The following MMP21 variants were observed in gnomAD, a reference collection of about 807,000 sequenced individuals.
MMP21 encodes the protein matrix metallopeptidase 21, also known as matrix metalloproteinase-21.
MMP21 carries 40 observed loss-of-function variants against 47.8 expected under a neutral mutation model. The ratio of observed to expected loss-of-function variants is 0.84; its 90% CI spans 0.65 to 1.09. The LOEUF (loss-of-function observed/expected upper bound fraction) is 1.09, where lower values mean the gene tolerates loss of function less well. MMP21 is among the 50% of genes least tolerant of loss of function. The pLI is 0.00. For synonymous variants in MMP21, 341 were observed against 318.0 expected (o/e 1.07, Z -0.77); for missense variants, 747 against 775.3 (o/e 0.96, Z 0.43).
Position 125,766,639 on chromosome 10 carries a change from C to T in MMP21, c.*23G>A, listed in dbSNP as rs773729781. ...CAGAATTTTAGCGAAGTCCTATGAC[C>T]CTCCATTTCCTACTTTTTCTTATTA... On this transcript the variant is annotated 3_prime_UTR_variant, in exon 7 of 7. Coordinates refer to ENST00000368808, the MANE Select transcript of MMP21 (RefSeq NM_147191.1). 3.2e-6 allele frequency: 5 copies of T among 1,556,646 alleles called. No homozygotes were observed. The African/African-American group carries it at 5.5e-5, about 17-fold the overall frequency.
Position 125,772,866 on chromosome 10 carries a change from A to G in MMP21, c.698-116T>C, listed in dbSNP as rs1589893900. On this transcript the variant is annotated intron_variant, in intron 2 of 6. Coordinates refer to ENST00000368808, the MANE Select transcript of MMP21 (RefSeq NM_147191.1). This position sits in a 1 kb window ranked among gnomAD's most constrained non-coding sequence, Gnocchi z 5.6. ...CGGCAGCAGAGGTAGACAGAGTGGC[A>G]GCTCCTGGATTAAGTCCTCAATGTG... 6 of 1,177,588 alleles carry G rather than the reference A, an allele frequency of 5.1e-6. No individual in the cohort carries two copies. The highest frequency in any genetic ancestry group is 6.0e-6 in the Non-Finnish European group (5 of 835,972). The allele number at this position is 1,177,588 out of a possible 1,614,324, so 72.9% of individuals were successfully genotyped here.
chr10:125,770,569 A>G lies in MMP21; in HGVS notation c.1002T>C (p.Asp334=). 6.2e-7 allele frequency: 1 copy of G among 1,614,192 alleles called. No individual in the cohort carries two copies. Among genetic ancestry groups the G allele is most frequent in the Non-Finnish European group, 8.5e-7 (1 of 1,179,998 alleles). ...KLYGSCEGSF[D]TAFDWIRKER... is the part of the protein sequence containing the mutation. ...CTTTGCGAATCCAGTCAAACGCAGT[A>G]TCAAATGATCCCTCACAGGAGCCTT... Residue 334 remains aspartate, a synonymous_variant, in exon 5 of 7, where the codon GAT becomes GAC. Transcript: ENST00000368808.
rs918329511 is a variant in MMP21 at position 125,767,765 on chromosome 10, G to A, written c.1238-61C>T. The A allele has an allele frequency of 2.2e-5, 34 of 1,560,234 alleles. No homozygotes were observed. In the South Asian group the frequency reaches 2.3e-4, roughly 10 times the overall value. ...TACTATTAAATCACGTGACAAAAAG[G>A]ACAGTTTTCAATCTAGGTCTCAGCC... On this transcript the variant is annotated intron_variant, in intron 5 of 6. Transcript: ENST00000368808.
At position 125,766,864 on chromosome 10, in the gene MMP21, A is replaced by T. The variant is rs759458396; in HGVS notation, c.1508T>A (p.Phe503Tyr). 3.7e-6 allele frequency: 6 copies of T among 1,613,624 alleles called. No individual in the cohort carries two copies. Among genetic ancestry groups the T allele is most frequent in the African/African-American group, 1.3e-5 (1 of 74,930 alleles). Residue 503 changes from phenylalanine to tyrosine, a missense_variant, in exon 7 of 7, where the codon TTC (phenylalanine) becomes TAC (tyrosine). Coordinates refer to ENST00000368808, the MANE Select transcript of MMP21 (RefSeq NM_147191.1). ...FPAVIPQNHP[F>Y]RNIDSAYYSY... is the part of the protein sequence containing the mutation. ...GTAATAAGCGGAATCTATATTTCTG[A>T]AAGGATGATTTTGTGGTATTACTGC...
At chr10:125,771,820 AAATAGAGATTGG>A (rs1322399832) in intron 4 of MMP21, among the ~76,000 whole-genome samples, 1 of 152,172 alleles carries the variant, frequency 6.6e-6, no homozygotes, top group Non-Finnish European at 1.5e-5. Flanking sequence ...GAACGATTCT[AAATAGAGATTGG>A]AGCTTATCCT....
In MMP21 at chr10:125,774,124, C is replaced by A; in HGVS notation, c.404G>T (p.Gly135Val). 7.7e-7 allele frequency: 1 copy of A among 1,303,098 alleles called. No individual in the cohort carries two copies. The highest frequency in any genetic ancestry group is 9.7e-7 in the Non-Finnish European group (1 of 1,031,140). The allele number at this position is 1,303,098 out of a possible 1,614,324, so 80.7% of individuals were successfully genotyped here. ...PPPSAPPSPP[G>V]PPPRARSRRS... is the part of the protein sequence containing the mutation. Reference sequence around the variant, plus strand: ...CCTGGAGCGGGCTCTGGGGGGCGGGCCCGGGGGCGAAGGCGGGGCGGAGGG... The same window carrying A: ...CCTGGAGCGGGCTCTGGGGGGCGGGACCGGGGGCGAAGGCGGGGCGGAGGG... The change falls in exon 2 of 7, where the codon GGC becomes GTC. Residue 135 changes from glycine (G) to valine (V), a missense_variant. By Grantham distance (109) the Gly-to-Val change is moderately radical. Coordinates refer to ENST00000368808, the MANE Select transcript of MMP21 (RefSeq NM_147191.1).
chr10:125,773,657 G>A lies in MMP21; in HGVS notation c.697+174C>T, dbSNP rs944137157. Among the ~76,000 whole-genome samples the A allele has an allele frequency of 2.6e-5, 4 of 152,080 alleles. No homozygotes were observed. The highest frequency in any genetic ancestry group is 4.4e-5 in the Non-Finnish European group (3 of 68,024). Reference sequence around the variant, plus strand: ...ACCAGGCTATCTGCAGGGTGACCATGATTCCGACAAGACGACGCTGACCGG... The same window carrying A: ...ACCAGGCTATCTGCAGGGTGACCATAATTCCGACAAGACGACGCTGACCGG... On this transcript the variant is annotated intron_variant, in intron 2 of 6. Transcript: ENST00000368808. This position sits in a 1 kb window ranked among gnomAD's most constrained non-coding sequence, Gnocchi z 4.8.
At position 125,773,710 on chromosome 10, in the gene MMP21, G is replaced by A; in HGVS notation, c.697+121C>T. The A allele has an allele frequency of 1.6e-6, 2 of 1,271,722 alleles. No individual in the cohort carries two copies. The highest frequency in any genetic ancestry group is 2.0e-6 in the Non-Finnish European group (2 of 982,704). The allele number at this position is 1,271,722 out of a possible 1,614,324, so 78.8% of individuals were successfully genotyped here. A position where few individuals can be genotyped will look rare whatever the true frequency, so the allele number is the denominator to read the frequency against. ...GCTTCTGCCTGCCCCGCTGACAGGT[G>A]CCCCCGGGACAGGCCGGGAGGGCTT... On this transcript the variant is annotated intron_variant, in intron 2 of 6. Coordinates refer to ENST00000368808, the MANE Select transcript of MMP21 (RefSeq NM_147191.1). The surrounding 1 kb of genome is among the most constrained non-coding windows in gnomAD (Gnocchi z 4.8).
Position 125,770,459 on chromosome 10 carries a change from T to C in MMP21, c.1112A>G (p.Asn371Ser). ...NSWYWLYENR[N>S]NRTRYGDPIQ... ...AGGGTCCCCATAGCGTGTCCTATTG[T>C]TTCGATTTTCATAAAGCCAGTACCA... is the stretch of plus-strand genomic sequence containing the variant. Residue 371 changes from asparagine (N) to serine (S), a missense_variant, in exon 5 of 7, where the codon AAC becomes AGC. Coordinates refer to ENST00000368808, the MANE Select transcript of MMP21 (RefSeq NM_147191.1). The C allele has an allele frequency of 6.2e-7, 1 of 1,614,208 alleles. No homozygotes were observed. Among genetic ancestry groups the C allele is most frequent in the Non-Finnish European group, 8.5e-7 (1 of 1,180,034 alleles).
Position 125,773,756 on chromosome 10 carries a change from G to A in MMP21, c.697+75C>T, listed in dbSNP as rs866211831. 4.2e-6 allele frequency: 6 copies of A among 1,429,868 alleles called. No homozygotes were observed. The South Asian group carries it at 7.5e-5, about 18-fold the overall frequency. The allele number at this position is 1,429,868 out of a possible 1,614,324, so 88.6% of individuals were successfully genotyped here. A position where few individuals can be genotyped will look rare whatever the true frequency, so the allele number is the denominator to read the frequency against. On this transcript the variant is annotated intron_variant, in intron 2 of 6. Coordinates refer to ENST00000368808, the MANE Select transcript of MMP21 (RefSeq NM_147191.1). This position sits in a 1 kb window ranked among gnomAD's most constrained non-coding sequence, Gnocchi z 4.8. ...GGCTTAGCCCCCCATTCTGCAGGTG[G>A]CCGAGGTGGGGGTAGGTGCGCCGGG...
Position 125,775,786 on chromosome 10 carries a change from C to T in MMP21, c.36G>A (p.Leu12=), listed in dbSNP as rs773213644. 6.2e-7 allele frequency: 1 copy of T among 1,612,888 alleles called. No homozygotes were observed. The highest frequency in any genetic ancestry group is 2.2e-5 in the East Asian group (1 of 44,790). Residue 12 remains leucine, a synonymous_variant, in exon 1 of 7, where the codon CTG becomes CTA. Coordinates refer to ENST00000368808, the MANE Select transcript of MMP21 (RefSeq NM_147191.1). ...GCCAGGGAGCAGCCAGCCAGCAGAGCAGCAGTGTCGGACGGAAGATGGAGG... is the reference window on the plus strand; with the variant it reads ...GCCAGGGAGCAGCCAGCCAGCAGAGTAGCAGTGTCGGACGGAAGATGGAGG... ...LAASIFRPTL[L]LCWLAAPWPT...
Position 125,772,428 on chromosome 10 carries a change from G to A in MMP21, c.838-69C>T, listed in dbSNP as rs1170743307. 6.3e-7 allele frequency: 1 copy of A among 1,599,746 alleles called. No individual in the cohort carries two copies. The highest frequency in any genetic ancestry group is 8.5e-7 in the Non-Finnish European group (1 of 1,170,672). On this transcript the variant is annotated intron_variant, in intron 3 of 6. Transcript: ENST00000368808. The surrounding 1 kb of genome is among the most constrained non-coding windows in gnomAD (Gnocchi z 5.6). ...GATGGATCCCTGCATAACAGACGCA[G>A]GCCTGTGCTTCGAGAGGAGCGTTGC...
chr10:125,767,812 A>G, intron 5 of MMP21, 108 bp from the exon 6 acceptor site: 2 of 1,169,628 alleles, frequency 1.7e-6, no homozygotes, highest in South Asian at 3.1e-5. Context: ...ATGTGTTGCC[A>G]TGATTCTAGG....
intron 5 of MMP21, among the ~76,000 whole-genome samples, chr10:125,769,063 G>C (rs1430614629): frequency 6.6e-6 from 1 of 152,186 alleles, no homozygotes; most frequent in African/African-American, 2.4e-5. Flanking sequence ...AGGCAGAGGG[G>C]CTACACAACT....
In MMP21 at chr10:125,772,857, C is replaced by A. The variant is rs1850467830; in HGVS notation, c.698-107G>T. On this transcript the variant is annotated intron_variant, in intron 2 of 6. Coordinates refer to ENST00000368808, the MANE Select transcript of MMP21 (RefSeq NM_147191.1). This position sits in a 1 kb window ranked among gnomAD's most constrained non-coding sequence, Gnocchi z 5.6. ...TCCAGGAGCCGGCAGCAGAGGTAGA[C>A]AGAGTGGCAGCTCCTGGATTAAGTC... 1 of 1,259,726 alleles carries A rather than the reference C, an allele frequency of 7.9e-7. No individual in the cohort carries two copies. Among genetic ancestry groups the A allele is most frequent in the Non-Finnish European group, 1.1e-6 (1 of 906,242 alleles). The allele number at this position is 1,259,726 out of a possible 1,614,324, so 78.0% of individuals were successfully genotyped here. A position where few individuals can be genotyped will look rare whatever the true frequency, so the allele number is the denominator to read the frequency against.
At position 125,773,831 on chromosome 10, in the gene MMP21, C is replaced by G; in HGVS notation, c.697G>C (p.Gly233Arg). 6.5e-7 allele frequency: 1 copy of G among 1,536,310 alleles called. No individual in the cohort carries two copies. The highest frequency in any genetic ancestry group is 8.7e-7 in the Non-Finnish European group (1 of 1,148,368). ...GGCAGGGAGCCCGGGGTGCTCTTAC[C>G]TCTCCCAAAGCCCAGCTTGATGTCG... ...AVDIKLGFGR[G>R]RHLGCPRAFD... Residue 233 changes from glycine to arginine, a missense_variant and splice_region_variant, in exon 2 of 7, where the codon GGC (glycine) becomes CGC (arginine). By Grantham distance (125) the Gly-to-Arg change is moderately radical. Transcript: ENST00000368808. The surrounding 1 kb of genome is among the most constrained non-coding windows in gnomAD (Gnocchi z 4.8).
chr10:125,767,735 T>C (rs1850401928), intron 5 of MMP21, 31 bp from the exon 6 acceptor site: 2 of 1,606,904 alleles, frequency 1.2e-6, no homozygotes, highest in Non-Finnish European at 8.5e-7. Context: ...GTTCATGTGG[T>C]TTATTACTAT....
At chr10:125,767,466 G>T in intron 6 of MMP21, 66 bp downstream of exon 6, 3 of 1,442,604 alleles carry the variant, frequency 2.1e-6, no homozygotes, top group East Asian at 4.6e-5. Flanking sequence ...ATATGAACTT[G>T]GTCATCTGAC....
chr10:125,775,796 G>C lies in MMP21; in HGVS notation c.26C>G (p.Pro9Arg). The part of the protein sequence containing the change: MLAASIFR[P>R]TLLLCWLAAP... ...AGCCAGCCAGCAGAGCAGCAGTGTC[G>C]GACGGAAGATGGAGGCGGCGAGCAT... The change falls in exon 1 of 7, where the codon CCG (proline) becomes CGG (arginine). Residue 9 changes from proline to arginine, a missense_variant. Physicochemically the swap from Pro to Arg is moderately radical, Grantham distance 103. Transcript: ENST00000368808. 6.2e-7 allele frequency: 1 copy of C among 1,611,796 alleles called. No individual in the cohort carries two copies.
Sources: allele counts gnomAD v4.1 joint callset (sites outside exome capture counted in the v4.1 genomes callset), GRCh38; gene constraint gnomAD v4.1.1; non-coding constraint Gnocchi (gnomAD v3.1); transcripts MANE v1.5; gene names NCBI Gene and HGNC (gene_info 2026-07-23, HGNC 2026-07-21).